FARS2: variants seen among roughly 807,000 people sequenced by gnomAD.
FARS2 encodes the protein phenylalanine--tRNA ligase, mitochondrial.
Under a neutral mutation model 46.4 loss-of-function variants are expected in FARS2, and 40 were observed. That is an observed-to-expected ratio of 0.86 (90% CI 0.67 to 1.12). The LOEUF (loss-of-function observed/expected upper bound fraction) is 1.12, where lower values mean the gene tolerates loss of function less well. FARS2 is among the 50% of genes most tolerant of loss of function. The pLI is 0.00. For synonymous variants in FARS2, 234 were observed against 214.9 expected, an observed-to-expected ratio of 1.09 and a Z score of -0.78; for missense variants, 513 against 567.9, an observed-to-expected ratio of 0.90 and a Z score of 0.98.
At chr6:5,546,422 G>T (rs113211673) in intron 5 of FARS2, among the ~76,000 whole-genome samples, 2,596 of 144,136 alleles carry the variant, frequency 0.018, 81 homozygotes, top group African/African-American at 0.06. Context: ...AGCTAATTTT[G>T]TGTATTTTTA....
chr6:5,451,533 A>C (rs1051866946), intron 4 of FARS2: 1 of 152,148 alleles, frequency 6.6e-6, no homozygotes, highest in South Asian at 2.1e-4. Context: ...AGACTTTTTA[A>C]TCACTAAGGT....
chr6:5,319,391 A>C (rs1769804867), intron 1 of FARS2, among the ~76,000 whole-genome samples: 3 of 152,178 alleles, frequency 2.0e-5, no homozygotes. Context: ...GCCTCAAATG[A>C]GCACTTGCAC....
At chr6:5,584,777 C>T (rs906159439) in intron 5 of FARS2, among the ~76,000 whole-genome samples, 5 of 152,138 alleles carry the variant, frequency 3.3e-5, no homozygotes, top group African/African-American at 1.2e-4. Flanking sequence ...CTTTATTCAT[C>T]ATCTGCATGG....
intron 4 of FARS2, among the ~76,000 whole-genome samples, chr6:5,447,785 T>G (rs759287064): frequency 1.2e-4 from 18 of 152,232 alleles, no homozygotes; most frequent in Non-Finnish European, 2.1e-4. Flanking sequence ...AGGTAGATGC[T>G]TGGCAAGTGA....
intron 2 of FARS2, among the ~76,000 whole-genome samples, chr6:5,389,607 C>T (rs142264103): frequency 8.3e-4 from 127 of 152,276 alleles, no homozygotes; most frequent in African/African-American, 3.0e-3. Flanking sequence ...TTACCTCAGG[C>T]AAAGATTGAC....
chr6:5,529,658 G>A (rs1246127491), intron 4 of FARS2, among the ~76,000 whole-genome samples: 3 of 152,168 alleles, frequency 2.0e-5, no homozygotes, highest in Admixed American at 1.3e-4. Flanking sequence ...GAGTAAAGCA[G>A]CTGAACAGAC....
intron 1 of FARS2, among the ~76,000 whole-genome samples, chr6:5,367,502 C>T (rs1758762091): frequency 6.6e-6 from 1 of 151,892 alleles, no homozygotes; most frequent in African/African-American, 2.4e-5. Context: ...GTTCACAGCC[C>T]TTTGCGGTTG....
intron 5 of FARS2, among the ~76,000 whole-genome samples, chr6:5,608,942 A>G (rs1422894501): frequency 6.6e-5 from 10 of 152,104 alleles, no homozygotes; most frequent in Admixed American, 4.6e-4. Flanking sequence ...ACATTTAGCA[A>G]TCAACAGCAT....
intron 2 of FARS2, among the ~76,000 whole-genome samples, chr6:5,379,284 G>A (rs914695472): frequency 6.6e-6 from 1 of 152,216 alleles, no homozygotes; most frequent in Non-Finnish European, 1.5e-5. Flanking sequence ...CTGCATGGCA[G>A]CTCACCTATC....
chr6:5,619,400 A>T (rs1477752405), intron 6 of FARS2, among the ~76,000 whole-genome samples: 1 of 151,900 alleles, frequency 6.6e-6, no homozygotes, highest in Non-Finnish European at 1.5e-5. Context: ...CTGCTCATAG[A>T]CTCACTCCTT....
chr6:5,428,035 A>G (rs1762946731), intron 3 of FARS2, among the ~76,000 whole-genome samples: 1 of 152,232 alleles, frequency 6.6e-6, no homozygotes, highest in African/African-American at 2.4e-5. Flanking sequence ...CATCAGCACC[A>G]GCAGCTCTAG....
chr6:5,488,776 A>G (rs1207628913), intron 4 of FARS2, among the ~76,000 whole-genome samples: 1 of 152,146 alleles, frequency 6.6e-6, no homozygotes, highest in Non-Finnish European at 1.5e-5. Flanking sequence ...TGGCTTTTAA[A>G]TACTTCATAC....
At chr6:5,537,583 G>A (rs1582388630) in intron 4 of FARS2, among the ~76,000 whole-genome samples, 1 of 143,622 alleles carries the variant, frequency 7.0e-6, no homozygotes, top group East Asian at 2.0e-4. Context: ...TCGAGTTGGA[G>A]ATGTCCCGGG....
chr6:5,744,319 A>G (rs1199688889), intron 6 of FARS2, among the ~76,000 whole-genome samples: 2 of 152,314 alleles, frequency 1.3e-5, no homozygotes, highest in East Asian at 3.9e-4. Flanking sequence ...AGTCCAACAC[A>G]GTTCTGCATC....
intron 4 of FARS2, among the ~76,000 whole-genome samples, chr6:5,468,691 G>T (rs967853799): frequency 1.3e-5 from 2 of 152,152 alleles, no homozygotes; most frequent in African/African-American, 4.8e-5. Flanking sequence ...TGCATAATCA[G>T]CAATCCATTT....
chr6:5,321,820 C>T (rs75580770), intron 1 of FARS2, among the ~76,000 whole-genome samples: 1,739 of 152,168 alleles, frequency 0.011, 31 homozygotes, highest in African/African-American at 0.04. Flanking sequence ...GTCAAGTAGC[C>T]GTTTCCCGGA....
chr6:5,602,973 C>T (rs964432994), intron 5 of FARS2, among the ~76,000 whole-genome samples: 57 of 152,152 alleles, frequency 3.7e-4, no homozygotes, highest in African/African-American at 1.2e-3. Context: ...ATGCTGTCTC[C>T]ATTTTATAGA....
rs201693261 is a variant in FARS2 at position 5,368,633 on chromosome 6, T to C, written c.63T>C (p.Ser21=). The change falls in exon 2 of 7, where the codon AGT becomes AGC. Residue 21 remains serine (S), a synonymous_variant. Transcript: ENST00000274680. ...HAYVYLVSKA[S]HISRGHQHQA... ...ATGTCTACCTGGTGAGTAAGGCCAGTCACATCTCCAGAGGCCATCAGCACC... is the reference window on the plus strand; with the variant it reads ...ATGTCTACCTGGTGAGTAAGGCCAGCCACATCTCCAGAGGCCATCAGCACC... The C allele has an allele frequency of 3.1e-6, 5 of 1,614,112 alleles. No individual in the cohort carries two copies. Among genetic ancestry groups the C allele is most frequent in the Non-Finnish European group, 4.2e-6 (5 of 1,179,996 alleles).
intron 1 of FARS2, chr6:5,291,443 G>C (rs1581705188): frequency 2.0e-5 from 3 of 152,310 alleles, no homozygotes; most frequent in Admixed American, 2.0e-4. Context: ...GAGGCCGATG[G>C]TGATCCCAAC....
Sources: allele counts gnomAD v4.1 joint callset (sites outside exome capture counted in the v4.1 genomes callset), GRCh38; gene constraint gnomAD v4.1.1; transcripts MANE v1.5; gene names NCBI Gene and HGNC (gene_info 2026-07-23, HGNC 2026-07-21).